PDE1C: variants seen among roughly 807,000 people sequenced by gnomAD.
PDE1C encodes phosphodiesterase 1C, also known as dual specificity calcium/calmodulin-dependent 3',5'-cyclic nucleotide phosphodiesterase 1C.
PDE1C carries 62 observed loss-of-function variants against 93.1 expected under a neutral mutation model. That is an observed-to-expected ratio of 0.67 (90% confidence interval 0.54 to 0.82). The LOEUF (loss-of-function observed/expected upper bound fraction) is 0.82. PDE1C is among the 40% of genes least tolerant of loss of function. The pLI, the probability that PDE1C is intolerant of heterozygous loss-of-function variation, is 0.00. For missense variants in PDE1C, 742 were observed against 884.6 expected, an observed-to-expected ratio of 0.84 and a Z score of 2.04; for synonymous variants, 325 against 310.1, an observed-to-expected ratio of 1.05 and a Z score of -0.50.
chr7:31,678,448 A>G, the PDE1C span, among the ~76,000 whole-genome samples: 1 of 152,200 alleles, frequency 6.6e-6, no homozygotes, highest in Non-Finnish European at 1.5e-5. Context: ...TTAGTATACT[A>G]TAAAGATGAC....
At chr7:32,089,600 C>T (rs1353328835) in intron 3 of PDE1C, among the ~76,000 whole-genome samples, 2 of 152,180 alleles carry the variant, frequency 1.3e-5, no homozygotes, top group African/African-American at 2.4e-5. Context: ...AAGGAACCCG[C>T]AGTTCTCGTG....
At chr7:31,808,158 T>C in intron 16 of PDE1C, 1 of 464,086 alleles carries the variant, frequency 2.2e-6, no homozygotes, top group Non-Finnish European at 4.2e-6. Context: ...TCCACCTGGT[T>C]ACCCAGCATT....
chr7:32,239,147 T>A (rs1562608384), intron 1 of PDE1C, among the ~76,000 whole-genome samples: 1 of 152,164 alleles, frequency 6.6e-6, no homozygotes, highest in Non-Finnish European at 1.5e-5. Context: ...GGATCGCTTG[T>A]GCTCAGCTCA....
intron 1 of PDE1C, among the ~76,000 whole-genome samples, chr7:32,257,604 G>A (rs1809898562): frequency 6.6e-6 from 1 of 152,162 alleles, no homozygotes. Context: ...TATTCTGAGT[G>A]TTTACCATTA....
Position 32,035,101 on chromosome 7 carries a change from C to G in PDE1C, c.128+16453G>C, listed in dbSNP as rs377438030. Among the ~76,000 whole-genome samples the G allele has an allele frequency of 9.9e-5, 15 of 152,188 alleles. No individual in the cohort carries two copies. The East Asian group carries it at 1.2e-3, about 12-fold the overall frequency. On this transcript the variant is annotated intron_variant, in intron 2 of 17. Transcript: ENST00000396191. ...CCAACATTTTAAAGTTCCCCTTGAT[C>G]AAAAGCCACCGAAATCCAACCCAAA...
chr7:31,780,578 G>A (rs556203084), intron 16 of PDE1C, among the ~76,000 whole-genome samples: 1 of 152,098 alleles, frequency 6.6e-6, no homozygotes, highest in Admixed American at 6.6e-5. Context: ...TAAAATAAAA[G>A]CAAATGAACA....
At chr7:31,918,401 C>T (rs12701159) in intron 2 of PDE1C, among the ~76,000 whole-genome samples, 40,926 of 152,116 alleles carry the variant, frequency 0.27, 5,654 homozygotes, top group Admixed American at 0.35. Flanking sequence ...ACCCTCAGGC[C>T]AGCTCTGTAA....
chr7:31,997,855 T>C (rs912239737), intron 2 of PDE1C, among the ~76,000 whole-genome samples: 7 of 152,084 alleles, frequency 4.6e-5, no homozygotes, highest in African/African-American at 1.7e-4. Context: ...CAACGATGAA[T>C]TGGGATTCCA....
chr7:32,240,117 T>C (rs1211566375), intron 1 of PDE1C, among the ~76,000 whole-genome samples: 1 of 152,236 alleles, frequency 6.6e-6, no homozygotes. Context: ...GAAAGCTGTT[T>C]GTTACGGCAG....
At chr7:31,976,357 A>T (rs113236398) in intron 2 of PDE1C, among the ~76,000 whole-genome samples, 3 of 152,326 alleles carry the variant, frequency 2.0e-5, no homozygotes, top group African/African-American at 4.8e-5. Flanking sequence ...GGTGAAATGC[A>T]TGTTACAAAG....
intron 3 of PDE1C, among the ~76,000 whole-genome samples, chr7:32,130,946 T>C (rs1684568073): frequency 6.6e-6 from 1 of 151,742 alleles, no homozygotes; most frequent in South Asian, 2.1e-4. Context: ...ATTACTAACT[T>C]TTACTGGGCA....
At chr7:32,125,362 T>C (rs780411786) in intron 3 of PDE1C, among the ~76,000 whole-genome samples, 1 of 152,158 alleles carries the variant, frequency 6.6e-6, no homozygotes, top group African/African-American at 2.4e-5. Context: ...GTAATCCCAT[T>C]ACTGGGTATA....
At chr7:32,132,189 C>G (rs893220768) in intron 3 of PDE1C, among the ~76,000 whole-genome samples, 2 of 151,926 alleles carry the variant, frequency 1.3e-5, no homozygotes, top group African/African-American at 4.8e-5. Context: ...AGAGCCAAGG[C>G]ACAGAAAGAA....
chr7:32,120,518 G>A (rs1354637203), intron 3 of PDE1C, among the ~76,000 whole-genome samples: 1 of 152,174 alleles, frequency 6.6e-6, no homozygotes, highest in Non-Finnish European at 1.5e-5. Flanking sequence ...GATCCCAGAA[G>A]AAGGAGCAGG....
intron 1 of PDE1C, among the ~76,000 whole-genome samples, chr7:32,055,178 CA>C (rs1793904814): frequency 6.6e-6 from 1 of 152,108 alleles, no homozygotes; most frequent in African/African-American, 2.4e-5. Flanking sequence ...AAAAATTGAT[CA>C]AAAATGCTTT....
At position 31,807,401 on chromosome 7, in the gene PDE1C, C is replaced by G. The variant is rs1018876432; in HGVS notation, c.1891+1630G>C. Among the ~76,000 whole-genome samples, 6 of 151,758 alleles carry G rather than the reference C, an allele frequency of 4.0e-5. No individual in the cohort carries two copies. In the South Asian group the frequency reaches 1.2e-3, roughly 32 times the overall value. ...AACATAAAATCTATTTTATCACTTC[C>G]CCCCTCCCCCCAAAAAAACCTGTTT... On this transcript the variant is annotated intron_variant, in intron 16 of 17. Coordinates refer to ENST00000396191, the MANE Select transcript of PDE1C (RefSeq NM_001191057.4).
At chr7:32,204,335 C>G (rs556010705) in intron 2 of PDE1C, among the ~76,000 whole-genome samples, 1 of 152,102 alleles carries the variant, frequency 6.6e-6, no homozygotes. Context: ...AAAGTGAAAC[C>G]GCAGATAAGG....
At chr7:32,370,440 C>T (rs945543856) in intron 1 of PDE1C, among the ~76,000 whole-genome samples, 2 of 87,354 alleles carry the variant, frequency 2.3e-5, no homozygotes, top group African/African-American at 8.1e-5. Flanking sequence ...CAGAGTGAGA[C>T]TCCTCTCAAA....
At chr7:32,318,928 C>T (rs540276522) in intron 1 of PDE1C, among the ~76,000 whole-genome samples, 3 of 152,288 alleles carry the variant, frequency 2.0e-5, no homozygotes, top group Admixed American at 6.5e-5. Flanking sequence ...CTTAAATCTT[C>T]GCTCCGCAAT....
Sources: gnomAD v4.1 joint callset for allele counts (sites outside exome capture counted in the v4.1 genomes callset) on GRCh38, gnomAD v4.1.1 for gene constraint, MANE v1.5 for transcripts, NCBI Gene and HGNC (gene_info 2026-07-23, HGNC 2026-07-21) for gene names.